Variants in OR51B5 observed in about 807,000 individuals in gnomAD.
OR51B5 encodes the protein olfactory receptor 51B5.
For missense variants in OR51B5, 456 were observed against 374.6 expected, an observed-to-expected ratio of 1.22 and a Z score of -1.79; for synonymous variants, 186 against 144.8, an observed-to-expected ratio of 1.28 and a Z score of -2.04.
chr11:5,495,293 G>T (rs888317815), intron 1 of OR51B5, among the ~76,000 whole-genome samples: 1 of 152,132 alleles, frequency 6.6e-6, no homozygotes, highest in Admixed American at 6.5e-5. Context: ...ACTGGTAAAG[G>T]TAAGTATAAA....
intron 1 of OR51B5, among the ~76,000 whole-genome samples, chr11:5,407,225 C>T (rs1174453925): frequency 6.6e-6 from 1 of 152,068 alleles, no homozygotes; most frequent in Non-Finnish European, 1.5e-5. Flanking sequence ...AGAAGATGGA[C>T]ACTTTTATCT....
At chr11:5,483,480 A>C (rs61314880) in intron 1 of OR51B5, among the ~76,000 whole-genome samples, 29,825 of 142,256 alleles carry the variant, frequency 0.21, 3,403 homozygotes, top group East Asian at 0.29. Flanking sequence ...CACAACGTGC[A>C]CATGTACCCT....
chr11:5,453,049 T>C (rs1850881810), intron 1 of OR51B5, among the ~76,000 whole-genome samples: 1 of 152,242 alleles, frequency 6.6e-6, no homozygotes, highest in African/African-American at 2.4e-5. Context: ...AGCAACATTT[T>C]CAAGAAAATA....
chr11:5,409,657 A>T (rs1850113567), intron 1 of OR51B5, among the ~76,000 whole-genome samples: 1 of 152,156 alleles, frequency 6.6e-6, no homozygotes, highest in African/African-American at 2.4e-5. Flanking sequence ...AAATATAAAG[A>T]CGTGAAATAC....
Position 5,376,528 on chromosome 11 carries a change from G to GT in OR51B5, n.85-29619dup, listed in dbSNP as rs1849530924. Among the ~76,000 whole-genome samples the GT allele has an allele frequency of 2.0e-5, 3 of 152,252 alleles. No individual in the cohort carries two copies. The South Asian group carries it at 6.2e-4, about 32-fold the overall frequency. Reference sequence around the variant, plus strand: ...AAAAAATTAATGAATCTGGGAGCTGGTTTTTTGAAAGGATCAACAAAACTG... The same window carrying GT: ...AAAAAATTAATGAATCTGGGAGCTGGTTTTTTTGAAAGGATCAACAAAACTG... On this transcript the variant is annotated intron_variant and non_coding_transcript_variant, in intron 1 of 4. Coordinates refer to the OR51B5 transcript ENST00000415970.
intron 1 of OR51B5, among the ~76,000 whole-genome samples, chr11:5,493,010 C>A (rs1337591252): frequency 2.0e-5 from 3 of 152,162 alleles, no homozygotes; most frequent in Non-Finnish European, 2.9e-5. Context: ...TGTTTAACAT[C>A]AGTCTGATCC....
Position 5,436,974 on chromosome 11 carries a change from G to A in OR51B5, n.84+68595C>T, listed in dbSNP as rs543035974. ...GAGGAGGCTGCCTTTATGCCTCTGCGGAATTGTTCCCAGATGCCAGAGCCC... is the reference window on the plus strand; with the variant it reads ...GAGGAGGCTGCCTTTATGCCTCTGCAGAATTGTTCCCAGATGCCAGAGCCC... On this transcript the variant is annotated intron_variant and non_coding_transcript_variant, in intron 1 of 4. Coordinates refer to the OR51B5 transcript ENST00000415970. Among the ~76,000 whole-genome samples, 19 of 152,230 alleles carry A rather than the reference G, an allele frequency of 1.2e-4. No individual in the cohort carries two copies. The South Asian group carries it at 2.1e-3, about 17-fold the overall frequency.
chr11:5,466,387 T>G (rs1203050633), intron 1 of OR51B5, among the ~76,000 whole-genome samples: 1 of 152,220 alleles, frequency 6.6e-6, no homozygotes, highest in East Asian at 1.9e-4. Flanking sequence ...TCATATGCCT[T>G]ATTATGAGAA....
At chr11:5,342,349 A>G, downstream of OR51B5, among the ~76,000 whole-genome samples, 1 of 152,210 alleles carries the variant, frequency 6.6e-6, no homozygotes, top group Non-Finnish European at 1.5e-5. Context: ...TATCACAATA[A>G]TTTAGTGGAA....
At chr11:5,491,553 C>T (rs1851580967) in intron 1 of OR51B5, among the ~76,000 whole-genome samples, 2 of 152,196 alleles carry the variant, frequency 1.3e-5, no homozygotes, top group African/African-American at 4.8e-5. Context: ...ACTGAAAGAG[C>T]TTGAGGAAGC....
chr11:5,389,321 G>A, intron 1 of OR51B5: 1 of 1,361,570 alleles, frequency 7.3e-7, no homozygotes. Context: ...GGTACTGCTT[G>A]TGATGTTGTG....
chr11:5,389,857 G>A, intron 1 of OR51B5: 1 of 1,613,746 alleles, frequency 6.2e-7, no homozygotes, highest in Non-Finnish European at 8.5e-7. Flanking sequence ...GCCAGCAAGT[G>A]GTCAGAGCAG....
rs186073713 is a variant in OR51B5, at chr11:5,472,711, T to C, written n.84+32858A>G. On this transcript the variant is annotated intron_variant and non_coding_transcript_variant, in intron 1 of 4. Coordinates refer to the OR51B5 transcript ENST00000415970. ...TGATCAACATTTTCAGCTCCTCATT[T>C]TGTAGGAGAGCTGACGCCCAGGAAG... 7.2e-5 allele frequency among the ~76,000 whole-genome samples: 11 copies of C among 152,322 alleles called. No individual in the cohort carries two copies. The East Asian group carries it at 1.5e-3, about 21-fold the overall frequency.
At chr11:5,350,313 G>C (rs1849058788) in intron 1 of OR51B5, among the ~76,000 whole-genome samples, 1 of 152,204 alleles carries the variant, frequency 6.6e-6, no homozygotes, top group Non-Finnish European at 1.5e-5. Context: ...TTCTGAAAAT[G>C]AAAGTCCAGT....
chr11:5,383,432 G>A (rs1375027659), intron 1 of OR51B5, among the ~76,000 whole-genome samples: 3 of 152,180 alleles, frequency 2.0e-5, no homozygotes, highest in Non-Finnish European at 2.9e-5. Context: ...AGGCAGATGT[G>A]CAATTTAAAA....
At chr11:5,374,863 T>G (rs1360521754) in intron 1 of OR51B5, among the ~76,000 whole-genome samples, 1 of 152,134 alleles carries the variant, frequency 6.6e-6, no homozygotes, top group Non-Finnish European at 1.5e-5. Flanking sequence ...CTGATTGGTG[T>G]ACCTGAAAGT....
At chr11:5,383,853 T>TCTA (rs1849645321) in intron 1 of OR51B5, 1 of 152,258 alleles carries the variant, frequency 6.6e-6, no homozygotes, top group Non-Finnish European at 1.5e-5. Flanking sequence ...GTCATCCTTA[T>TCTA]CTATACTCTT....
At chr11:5,350,971 A>G (rs79369243) in intron 1 of OR51B5, among the ~76,000 whole-genome samples, 10,755 of 152,234 alleles carry the variant, frequency 0.071, 450 homozygotes, top group South Asian at 0.1. Flanking sequence ...ATTTGCTCAT[A>G]TATTTCTTAC....
chr11:5,377,102 C>G (rs1589962389), intron 1 of OR51B5, among the ~76,000 whole-genome samples: 1 of 152,086 alleles, frequency 6.6e-6, no homozygotes, highest in Admixed American at 6.5e-5. Context: ...CATCAAAAAG[C>G]TTATCCACGA....
Sources: allele counts gnomAD v4.1 joint callset (sites outside exome capture counted in the v4.1 genomes callset), GRCh38; gene constraint gnomAD v4.1.1; transcripts MANE v1.5; gene names NCBI Gene and HGNC (gene_info 2026-07-23, HGNC 2026-07-21).